The following RBFOX3 variants were observed in gnomAD, a reference collection of about 807,000 sequenced individuals.
RBFOX3 encodes the protein RNA binding protein fox-1 homolog 3.
Under a neutral mutation model 48.7 loss-of-function variants are expected in RBFOX3, and 17 were observed. That is an observed-to-expected ratio of 0.35 (90% CI 0.24 to 0.52). RBFOX3 has a LOEUF of 0.52. Ranked by LOEUF, RBFOX3 falls within the 20% of genes least tolerant of loss-of-function variation. The pLI is 0.94. For missense variants in RBFOX3, 382 were observed against 497.5 expected (o/e 0.77, Z 2.21); for synonymous variants, 212 against 209.5 (o/e 1.01, Z -0.10).
intron 4 of RBFOX3, among the ~76,000 whole-genome samples, chr17:79,126,378 T>C (rs886710335): frequency 3.9e-5 from 6 of 152,198 alleles, no homozygotes; most frequent in South Asian, 4.2e-4. Flanking sequence ...AGGTACCCGA[T>C]GTGAGCACCC....
rs1225027580 is a variant in RBFOX3, at chr17:79,103,496, C to G, written c.415-242G>C. 6.6e-6 allele frequency among the ~76,000 whole-genome samples: 1 copy of G among 152,100 alleles called. No individual in the cohort carries two copies. Among genetic ancestry groups the G allele is most frequent in the African/African-American group, 2.4e-5 (1 of 41,436 alleles). On this transcript the variant is annotated intron_variant, in intron 7 of 14. Coordinates refer to ENST00000693108, the MANE Select transcript of RBFOX3 (RefSeq NM_001350451.2). This position sits in a 1 kb window ranked among gnomAD's most constrained non-coding sequence, Gnocchi z 6.1. ...GGGCAGCTGCTGACCCAGCCTGAGC[C>G]CAGCCTGAGCTGATCACCCGGCATC... is the stretch of plus-strand genomic sequence containing the variant.
intron 4 of RBFOX3, among the ~76,000 whole-genome samples, chr17:79,209,062 G>T (rs1012035420): frequency 6.6e-6 from 1 of 151,428 alleles, no homozygotes; most frequent in Admixed American, 6.6e-5. Flanking sequence ...CTTGTGATCC[G>T]CCTGCCTCGG....
At chr17:79,147,555 A>G (rs1334265841) in intron 4 of RBFOX3, among the ~76,000 whole-genome samples, 4 of 150,486 alleles carry the variant, frequency 2.7e-5, no homozygotes, top group Middle Eastern at 3.5e-3. Flanking sequence ...CTCATTGGGG[A>G]GGGGGGGGGC....
chr17:79,238,175 G>A (rs956873704), intron 3 of RBFOX3, among the ~76,000 whole-genome samples: 1 of 152,246 alleles, frequency 6.6e-6, no homozygotes, highest in African/African-American at 2.4e-5. Flanking sequence ...GACCTCAGGT[G>A]ATCCACCTGC....
chr17:79,561,422 A>G (rs2092207832), intron 1 of RBFOX3, among the ~76,000 whole-genome samples: 1 of 152,088 alleles, frequency 6.6e-6, no homozygotes, highest in African/African-American at 2.4e-5. Context: ...CCAAGGATTA[A>G]GGGTGAGCAG....
At chr17:79,467,297 G>GGT (rs2076445282) in intron 2 of RBFOX3, among the ~76,000 whole-genome samples, 1 of 152,170 alleles carries the variant, frequency 6.6e-6, no homozygotes, top group Non-Finnish European at 1.5e-5. Context: ...AGAGTAGCGT[G>GGT]CCTTCCTCAG....
intron 4 of RBFOX3, among the ~76,000 whole-genome samples, chr17:79,146,575 G>C (rs1315590106): frequency 6.6e-6 from 1 of 152,222 alleles, no homozygotes; most frequent in Non-Finnish European, 1.5e-5. Context: ...AAGCCAGTCG[G>C]TTCCCAGGTG....
rs200257685 is a variant in RBFOX3 at position 79,183,710 on chromosome 17, AGTGCGCGCGT to A, written c.-34+52046_-34+52055del. ...AAAGAGTGGTGCGTGTGCGTGTGTG[AGTGCGCGCGT>A]GTGCGCGCGTGTGTAGCGGTGGGAG... On this transcript the variant is annotated intron_variant, in intron 4 of 14. Coordinates refer to ENST00000693108, the MANE Select transcript of RBFOX3 (RefSeq NM_001350451.2). Among the ~76,000 whole-genome samples the A allele has an allele frequency of 5.0e-3, 753 of 151,868 alleles. 1 individual carries two copies. The highest frequency in any genetic ancestry group is 7.0e-3 in the Non-Finnish European group (474 of 67,934).
chr17:79,422,674 G>C (rs2066631351), intron 2 of RBFOX3, among the ~76,000 whole-genome samples: 1 of 140,942 alleles, frequency 7.1e-6, no homozygotes, highest in African/African-American at 2.6e-5. Flanking sequence ...TGGGCGCAGT[G>C]GCGGGAACCC....
intron 3 of RBFOX3, among the ~76,000 whole-genome samples, chr17:79,271,169 G>A (rs914502986): frequency 2.6e-5 from 4 of 151,410 alleles, no homozygotes; most frequent in East Asian, 1.9e-4. Flanking sequence ...TCTGCCTCCC[G>A]GGTTCAAGCG....
chr17:79,573,051 C>G (rs1481806674), intron 1 of RBFOX3, among the ~76,000 whole-genome samples: 1 of 152,236 alleles, frequency 6.6e-6, no homozygotes, highest in East Asian at 1.9e-4. Context: ...ACCTGGGCGT[C>G]CTGGGTACAC....
chr17:79,111,480 G>C lies in RBFOX3; in HGVS notation c.222+4014C>G, dbSNP rs571058400. 6.6e-6 allele frequency among the ~76,000 whole-genome samples: 1 copy of C among 152,208 alleles called. No homozygotes were observed. The highest frequency in any genetic ancestry group is 1.5e-5 in the Non-Finnish European group (1 of 68,036). On this transcript the variant is annotated intron_variant, in intron 5 of 14. Transcript: ENST00000693108. The surrounding 1 kb of genome is among the most constrained non-coding windows in gnomAD (Gnocchi z 4.2). ...TCTCAGAGTTTTGCTCTGTCGCCCAGGCTGGAGTGCAGCGGCGTGATCTCA... is the reference window on the plus strand; with the variant it reads ...TCTCAGAGTTTTGCTCTGTCGCCCACGCTGGAGTGCAGCGGCGTGATCTCA...
At chr17:79,248,796 G>A (rs1433755854) in intron 3 of RBFOX3, among the ~76,000 whole-genome samples, 1 of 152,204 alleles carries the variant, frequency 6.6e-6, no homozygotes, top group Non-Finnish European at 1.5e-5. Context: ...ACTGAGGCTG[G>A]CAGGGAGTGT....
In RBFOX3 at chr17:79,125,191, G is replaced by A. The variant is rs146692857; in HGVS notation, c.-33-9443C>T. 2.5e-3 allele frequency among the ~76,000 whole-genome samples: 387 copies of A among 152,320 alleles called. 1 individual carries two copies. Among genetic ancestry groups the A allele is most frequent in the African/African-American group, 8.7e-3 (360 of 41,570 alleles). On this transcript the variant is annotated intron_variant, in intron 4 of 14. Coordinates refer to ENST00000693108, the MANE Select transcript of RBFOX3 (RefSeq NM_001350451.2). ...CGAGGGCTTCCCTAGCCCAGGACAG[G>A]CAGGTGGGGCCCTGAGCAGGTTGGG...
chr17:79,448,611 C>T (rs980260529), intron 2 of RBFOX3, among the ~76,000 whole-genome samples: 2 of 152,214 alleles, frequency 1.3e-5, no homozygotes, highest in African/African-American at 2.4e-5. Context: ...CCTGCCCACA[C>T]CTTGATTTCA....
the RBFOX3 span, among the ~76,000 whole-genome samples, chr17:79,632,953 G>A: frequency 1.3e-5 from 2 of 152,172 alleles, no homozygotes; most frequent in African/African-American, 2.4e-5. Flanking sequence ...TTCCACAGGG[G>A]ACACTGAAAG....
rs1467877750 is a variant in RBFOX3 at position 79,478,229 on chromosome 17, G to A, written c.-175+4225C>T. Among the ~76,000 whole-genome samples, 3 of 152,226 alleles carry A rather than the reference G, an allele frequency of 2.0e-5. No individual in the cohort carries two copies. In the South Asian group the frequency reaches 6.2e-4, roughly 31 times the overall value. On this transcript the variant is annotated intron_variant, in intron 2 of 14. Transcript: ENST00000693108. ...CAGACAAGAGACGGGCGTGATGGATGAGTGCAGGAAGCACGCTCATTTGGA... is the reference window on the plus strand; with the variant it reads ...CAGACAAGAGACGGGCGTGATGGATAAGTGCAGGAAGCACGCTCATTTGGA...
intron 12 of RBFOX3, among the ~76,000 whole-genome samples, chr17:79,096,224 G>A (rs149593296): frequency 2.0e-4 from 30 of 152,256 alleles, no homozygotes; most frequent in African/African-American, 7.0e-4. Flanking sequence ...AAAGGCCACC[G>A]GACCCCATCA....
At chr17:79,130,827 C>T (rs954788750) in intron 4 of RBFOX3, among the ~76,000 whole-genome samples, 1 of 152,270 alleles carries the variant, frequency 6.6e-6, no homozygotes, top group Non-Finnish European at 1.5e-5. Flanking sequence ...TAAGCTCTGG[C>T]CTCCCTGCCT....
Sources: allele counts gnomAD v4.1 joint callset (sites outside exome capture counted in the v4.1 genomes callset), GRCh38; gene constraint gnomAD v4.1.1; non-coding constraint Gnocchi (gnomAD v3.1); transcripts MANE v1.5; gene names NCBI Gene and HGNC (gene_info 2026-07-23, HGNC 2026-07-21).